CSRNP3: variants seen among roughly 807,000 people sequenced by gnomAD.
The protein encoded by CSRNP3 is cysteine and serine rich nuclear protein 3.
In CSRNP3, 12 loss-of-function variants were observed where a neutral mutation model predicts 48.0. The ratio of observed to expected loss-of-function variants is 0.25; its 90% confidence interval spans 0.16 to 0.41. The LOEUF is 0.41. Ranked by LOEUF, CSRNP3 falls within the 10% of genes least tolerant of loss-of-function variation. The pLI is 1.00. For synonymous variants in CSRNP3, 263 were observed against 269.7 expected (o/e 0.98, Z 0.24); for missense variants, 580 against 724.4 (o/e 0.80, Z 2.29).
intron 4 of CSRNP3, among the ~76,000 whole-genome samples, chr2:165,651,828 G>A (rs1347876413): frequency 6.6e-6 from 1 of 151,826 alleles, no homozygotes; most frequent in Non-Finnish European, 1.5e-5. Flanking sequence ...GCTAATTTTT[G>A]TATTTTTAGT....
chr2:165,530,933 G>A (rs1684801928), intron 3 of CSRNP3, among the ~76,000 whole-genome samples: 1 of 151,386 alleles, frequency 6.6e-6, no homozygotes, highest in Non-Finnish European at 1.5e-5. Flanking sequence ...CTAAGGTATG[G>A]GACTGTAATT....
At chr2:165,551,659 G>A (rs903270872) in intron 3 of CSRNP3, among the ~76,000 whole-genome samples, 3 of 152,168 alleles carry the variant, frequency 2.0e-5, no homozygotes, top group Non-Finnish European at 4.4e-5. Context: ...ATTTAAAACT[G>A]TGGCACTTCA....
At chr2:165,544,280 C>A (rs569276248) in intron 3 of CSRNP3, among the ~76,000 whole-genome samples, 2 of 152,192 alleles carry the variant, frequency 1.3e-5, no homozygotes, top group Admixed American at 6.6e-5. Context: ...GGCTGTCAGG[C>A]AGGAGCAAGC....
Position 165,684,483 on chromosome 2 carries a change from G to A in CSRNP3, c.*4730G>A, listed in dbSNP as rs1209419424. ...GGGAAGCACCTTTGTGCTTTCAAAGGCAAGACTTGTCTGTAATTTTAAATT... is the reference window on the plus strand; with the variant it reads ...GGGAAGCACCTTTGTGCTTTCAAAGACAAGACTTGTCTGTAATTTTAAATT... On this transcript the variant is annotated 3_prime_UTR_variant, in exon 7 of 7. Transcript: ENST00000651982. 3.3e-5 allele frequency: 5 copies of A among 152,034 alleles called. No individual in the cohort carries two copies. The highest frequency in any genetic ancestry group is 7.4e-5 in the Non-Finnish European group (5 of 67,978). The allele number at this position is 152,034 out of a possible 1,614,324, so 9.4% of individuals were successfully genotyped here.
chr2:165,658,288 G>A (rs1687040770), intron 5 of CSRNP3, among the ~76,000 whole-genome samples: 1 of 152,034 alleles, frequency 6.6e-6, no homozygotes. Flanking sequence ...AGGGCTAGTA[G>A]GAGACCAAAA....
rs148736940 is a variant in CSRNP3, at chr2:165,659,703, A to G, written c.408+1683A>G. 2.6e-4 allele frequency among the ~76,000 whole-genome samples: 39 copies of G among 152,322 alleles called. 1 individual carries two copies. The East Asian group carries it at 6.9e-3, about 27-fold the overall frequency. On this transcript the variant is annotated intron_variant, in intron 5 of 6. Coordinates refer to ENST00000651982, the MANE Select transcript of CSRNP3 (RefSeq NM_001172173.2). ...ATTTTTCCATCATTATTTAATGACA[A>G]CGAAAATCTTTCTTAGGTAATCCAG... is the stretch of plus-strand genomic sequence containing the variant.
chr2:165,476,456 A>G (rs924370832), intron 1 of CSRNP3, among the ~76,000 whole-genome samples: 2 of 152,250 alleles, frequency 1.3e-5, no homozygotes, highest in African/African-American at 4.8e-5. Flanking sequence ...ATGAATTTAA[A>G]CTGAAGGAAA....
At chr2:165,652,621 C>T (rs1299900228) in intron 4 of CSRNP3, among the ~76,000 whole-genome samples, 1 of 152,174 alleles carries the variant, frequency 6.6e-6, no homozygotes, top group Non-Finnish European at 1.5e-5. Context: ...CAGCTCCCCA[C>T]AACCTCTGCC....
At chr2:165,627,017 A>G (rs142926010) in intron 4 of CSRNP3, among the ~76,000 whole-genome samples, 94 of 151,862 alleles carry the variant, frequency 6.2e-4, no homozygotes, top group African/African-American at 2.1e-3. Flanking sequence ...TTTACTTTAG[A>G]GAAGGTTAGT....
intron 3 of CSRNP3, among the ~76,000 whole-genome samples, chr2:165,542,865 A>G (rs1684976998): frequency 6.6e-6 from 1 of 152,172 alleles, no homozygotes; most frequent in South Asian, 2.1e-4. Flanking sequence ...AGGAATATTC[A>G]CAGCTCTCAA....
intron 4 of CSRNP3, among the ~76,000 whole-genome samples, chr2:165,647,509 TAG>T (rs752876454): frequency 1.4e-4 from 21 of 152,148 alleles, no homozygotes; most frequent in Non-Finnish European, 2.5e-4. Flanking sequence ...CTAAAATATA[TAG>T]ATAGTGTGGA....
chr2:165,585,827 C>A (rs770746076), intron 3 of CSRNP3, among the ~76,000 whole-genome samples: 1 of 152,120 alleles, frequency 6.6e-6, no homozygotes, highest in Non-Finnish European at 1.5e-5. Context: ...TGTTAATGAT[C>A]CTTGCAGTTA....
intron 5 of CSRNP3, among the ~76,000 whole-genome samples, chr2:165,675,539 A>C (rs1687409438): frequency 6.6e-6 from 1 of 152,228 alleles, no homozygotes; most frequent in African/African-American, 2.4e-5. Context: ...GAAGAAATAT[A>C]AATAGAAGCA....
rs557900692 is a variant in CSRNP3, at chr2:165,666,565, AAG to A, written c.408+8556_408+8557del. On this transcript the variant is annotated intron_variant, in intron 5 of 6. Transcript: ENST00000651982. The stretch of plus-strand genomic sequence containing the variant: ...GGAAGGAAGGAAAGAGAGAGGAAGA[AAG>A]AGAGAGAGAGGAAGGAAGGAAGGGA... Among the ~76,000 whole-genome samples the A allele has an allele frequency of 8.1e-4, 29 of 35,708 alleles. 10 individuals are homozygous for A. The highest frequency in any genetic ancestry group is 2.4e-3 in the East Asian group (3 of 1,264). 23.4% of individuals were successfully genotyped at this position (35,708 alleles called of 152,430 possible).
At chr2:165,583,547 T>G (rs553605317) in intron 3 of CSRNP3, among the ~76,000 whole-genome samples, 12 of 152,306 alleles carry the variant, frequency 7.9e-5, no homozygotes, top group African/African-American at 2.9e-4. Flanking sequence ...AGTTAATCTC[T>G]CTGCAACTTG....
At chr2:165,524,950 G>A (rs1047300281) in intron 3 of CSRNP3, among the ~76,000 whole-genome samples, 1 of 152,138 alleles carries the variant, frequency 6.6e-6, no homozygotes, top group African/African-American at 2.4e-5. Context: ...TAATACCCTA[G>A]AGGGATTATG....
intron 3 of CSRNP3, among the ~76,000 whole-genome samples, chr2:165,561,104 C>T (rs1169117014): frequency 6.6e-6 from 1 of 151,982 alleles, no homozygotes; most frequent in Non-Finnish European, 1.5e-5. Flanking sequence ...TCAAATTCTG[C>T]CTTTGAATAA....
intron 4 of CSRNP3, among the ~76,000 whole-genome samples, chr2:165,616,944 T>C (rs912761003): frequency 1.3e-5 from 2 of 152,122 alleles, no homozygotes; most frequent in Admixed American, 6.5e-5. Flanking sequence ...AGCTAGCCTA[T>C]TGTTGAAGCT....
chr2:165,567,846 G>A (rs1484521145), intron 3 of CSRNP3, among the ~76,000 whole-genome samples: 1 of 151,822 alleles, frequency 6.6e-6, no homozygotes, highest in African/African-American at 2.4e-5. Context: ...GTTACTCTCA[G>A]CCTCCCAAAC....
Sources: gnomAD v4.1 joint callset for allele counts (sites outside exome capture counted in the v4.1 genomes callset) on GRCh38, gnomAD v4.1.1 for gene constraint, MANE v1.5 for transcripts, NCBI Gene and HGNC (gene_info 2026-07-23, HGNC 2026-07-21) for gene names.